HEATR5B: variants seen among roughly 807,000 people sequenced by gnomAD.
HEATR5B encodes the protein HEAT repeat containing 5B.
HEATR5B carries 156 observed loss-of-function variants against 224.1 expected under a neutral mutation model. The observed-to-expected ratio is 0.70, with a 90% CI of 0.61 to 0.80. The LOEUF (loss-of-function observed/expected upper bound fraction) is 0.80, where lower values mean the gene tolerates loss of function less well. Among genes scored for constraint, HEATR5B ranks in the 30% least tolerant of loss-of-function variants. HEATR5B has a pLI of 0.00. For synonymous variants in HEATR5B, 1,027 were observed against 893.0 expected (o/e 1.15, Z -2.68); for missense variants, 2,323 against 2,535.5 (o/e 0.92, Z 1.80).
At chr2:36,999,753 C>G (rs1666965801) in intron 33 of HEATR5B, among the ~76,000 whole-genome samples, 1 of 151,728 alleles carries the variant, frequency 6.6e-6, no homozygotes, top group Non-Finnish European at 1.5e-5. Flanking sequence ...TAGCTCACGT[C>G]TGTAATGCTA....
intron 16 of HEATR5B, among the ~76,000 whole-genome samples, chr2:37,055,891 A>G (rs553716997): frequency 6.6e-6 from 1 of 152,362 alleles, no homozygotes; most frequent in South Asian, 2.1e-4. Context: ...AAAGCTAGGA[A>G]TAGTGTCTGT....
chr2:37,012,394 A>ATT (rs897271764), intron 27 of HEATR5B, among the ~76,000 whole-genome samples: 1 of 147,992 alleles, frequency 6.8e-6, no homozygotes. Context: ...AATTAATTAA[A>ATT]TTTTTTTTTT....
At chr2:36,992,332 G>A (rs1666386286) in intron 33 of HEATR5B, among the ~76,000 whole-genome samples, 1 of 152,184 alleles carries the variant, frequency 6.6e-6, no homozygotes, top group South Asian at 2.1e-4. Flanking sequence ...TGTAATCCCA[G>A]CACTTTGGGA....
chr2:37,030,344 T>TC (rs1669052202), intron 22 of HEATR5B, among the ~76,000 whole-genome samples: 1 of 152,200 alleles, frequency 6.6e-6, no homozygotes. Context: ...GACTTTTTTT[T>TC]CACTAAGCAG....
intron 26 of HEATR5B, 140 bp downstream of exon 26, chr2:37,019,669 C>A: frequency 1.7e-6 from 1 of 596,518 alleles, no homozygotes; most frequent in Non-Finnish European, 2.9e-6. Context: ...GTTGGCCAGG[C>A]TGATCTCAAA....
At chr2:37,080,704 G>A (rs1193045612) in intron 2 of HEATR5B, among the ~76,000 whole-genome samples, 1 of 151,748 alleles carries the variant, frequency 6.6e-6, no homozygotes, top group Non-Finnish European at 1.5e-5. Context: ...CATTATCCTG[G>A]GAATCATTAT....
intron 33 of HEATR5B, among the ~76,000 whole-genome samples, chr2:36,992,620 C>A (rs1572746573): frequency 6.6e-6 from 1 of 152,046 alleles, no homozygotes; most frequent in African/African-American, 2.4e-5. Context: ...AACAAAAAAA[C>A]CCTGAAAACC....
intron 21 of HEATR5B, 27 bp downstream of exon 21, chr2:37,037,828 C>A: frequency 2.1e-6 from 3 of 1,419,870 alleles, no homozygotes; most frequent in East Asian, 2.5e-5. Flanking sequence ...ACTTAAAAAT[C>A]AATGAATGAA....
At chr2:37,049,916 G>A (rs925871576) in intron 17 of HEATR5B, 73 bp from the exon 18 acceptor site, 3 of 1,378,172 alleles carry the variant, frequency 2.2e-6, no homozygotes, top group Non-Finnish European at 1.9e-6. Context: ...TTTAAGGCAA[G>A]GTCTTGCTCC....
chr2:37,012,327 A>T (rs186597627), intron 27 of HEATR5B, among the ~76,000 whole-genome samples: 1 of 152,328 alleles, frequency 6.6e-6, no homozygotes, highest in African/African-American at 2.4e-5. Context: ...ATACCCTTGT[A>T]GCAGAACCTT....
Position 37,053,673 on chromosome 2 carries a change from A to G in HEATR5B, c.2400-66T>C, listed in dbSNP as rs79393095. 1.2e-4 allele frequency: 103 copies of G among 880,660 alleles called. No individual in the cohort carries two copies. In the East Asian group the frequency reaches 2.6e-3, roughly 22 times the overall value. The allele number at this position is 880,660 out of a possible 1,614,324, so 54.6% of individuals were successfully genotyped here. A position where few individuals can be genotyped will look rare whatever the true frequency, so the allele number is the denominator to read the frequency against. On this transcript the variant is annotated intron_variant, in intron 16 of 35. Coordinates refer to ENST00000233099, the MANE Select transcript of HEATR5B (RefSeq NM_019024.3). ...TTATTCCAATATGGCTCAAAAACGG[A>G]TAAGAAGAGTACAAGTTAATTGTTT...
intron 9 of HEATR5B, among the ~76,000 whole-genome samples, chr2:37,065,252 TACC>T (rs1298556865): frequency 6.6e-6 from 1 of 152,134 alleles, no homozygotes; most frequent in Non-Finnish European, 1.5e-5. Flanking sequence ...ATAAAAAAAC[TACC>T]ACAATTGCTT....
chr2:36,991,264 C>T (rs953571879), intron 33 of HEATR5B, among the ~76,000 whole-genome samples: 3 of 152,118 alleles, frequency 2.0e-5, no homozygotes, highest in South Asian at 2.1e-4. Context: ...CAGTGGCTCA[C>T]GCCTGTAATC....
At chr2:36,994,713 CCCT>C in intron 33 of HEATR5B, among the ~76,000 whole-genome samples, 1 of 152,226 alleles carries the variant, frequency 6.6e-6, no homozygotes, top group East Asian at 1.9e-4. Context: ...ACTCTAGACC[CCCT>C]CAACAAAAAT....
chr2:36,988,118 C>A (rs997622700), intron 35 of HEATR5B, among the ~76,000 whole-genome samples: 12 of 151,272 alleles, frequency 7.9e-5, no homozygotes, highest in Middle Eastern at 3.2e-3. Context: ...TTTCCTAGAT[C>A]TTAAGGGATG....
intron 20 of HEATR5B, among the ~76,000 whole-genome samples, chr2:37,039,865 G>A (rs1558330671): frequency 6.6e-6 from 1 of 152,162 alleles, no homozygotes; most frequent in Non-Finnish European, 1.5e-5. Flanking sequence ...TCTTCTCGCA[G>A]TTTACTTCCT....
intron 28 of HEATR5B, among the ~76,000 whole-genome samples, chr2:37,007,831 T>C (rs1667530885): frequency 6.6e-6 from 1 of 152,264 alleles, no homozygotes; most frequent in African/African-American, 2.4e-5. Flanking sequence ...CCTCTGCTAC[T>C]GCTGATGTCA....
chr2:37,044,750 C>A (rs539255249), intron 18 of HEATR5B, among the ~76,000 whole-genome samples: 1 of 152,276 alleles, frequency 6.6e-6, no homozygotes, highest in South Asian at 2.1e-4. Flanking sequence ...TCTTAACCTA[C>A]CCTTTGCTGA....
chr2:37,079,651 T>C (rs1002144119), intron 2 of HEATR5B, among the ~76,000 whole-genome samples: 2 of 152,156 alleles, frequency 1.3e-5, no homozygotes, highest in South Asian at 2.1e-4. Flanking sequence ...ATTGGGTGTA[T>C]GGACAACTGA....
Sources: allele counts gnomAD v4.1 joint callset (sites outside exome capture counted in the v4.1 genomes callset), GRCh38; gene constraint gnomAD v4.1.1; transcripts MANE v1.5; gene names NCBI Gene and HGNC (gene_info 2026-07-23, HGNC 2026-07-21).